The following INPP4B variants were observed in gnomAD, a reference collection of about 807,000 sequenced individuals.
The protein encoded by INPP4B is inositol polyphosphate-4-phosphatase type II B.
A neutral mutation model predicts 122.5 loss-of-function variants in INPP4B; 55 were observed. The ratio of observed to expected loss-of-function variants is 0.45; its 90% CI spans 0.36 to 0.56. INPP4B has a LOEUF of 0.56. Ranked by LOEUF, INPP4B falls within the 20% of genes least tolerant of loss-of-function variation. The probability of loss-of-function intolerance (pLI) is 0.00; values close to 1 mark genes in which losing one functional copy is unlikely to be tolerated. For missense variants in INPP4B, 1,000 were observed against 1,097.7 expected (o/e 0.91, Z 1.26); for synonymous variants, 403 against 388.7 (o/e 1.04, Z -0.43).
rs3043169 is a variant in INPP4B, at chr4:142,026,969, C to CCTCTCTAT, written c.*1812_*1813insATAGAGAG. ...TTCAAGGAGGCCTCTGTCATCCCAG[C>CCTCTCTAT]CTATCTTAAATCTAATAGGGTAATG... On this transcript the variant is annotated 3_prime_UTR_variant, in exon 26 of 26. Transcript: ENST00000262992. 3 of 151,880 alleles carry CCTCTCTAT rather than the reference C, an allele frequency of 2.0e-5. No homozygotes were observed. Among genetic ancestry groups the CCTCTCTAT allele is most frequent in the East Asian group, 1.9e-4 (1 of 5,148 alleles). 9.4% of individuals were successfully genotyped at this position (151,880 alleles called of 1,614,324 possible). A position where few individuals can be genotyped will look rare whatever the true frequency, so the allele number is the denominator to read the frequency against.
intron 2 of INPP4B, among the ~76,000 whole-genome samples, chr4:142,549,446 C>G (rs1242875528): frequency 1.3e-5 from 2 of 152,040 alleles, no homozygotes; most frequent in African/African-American, 4.8e-5. Context: ...AGGAGTCTAA[C>G]CAAATGCTGG....
intron 25 of INPP4B, among the ~76,000 whole-genome samples, chr4:142,068,909 A>G (rs928876469): frequency 6.6e-5 from 10 of 152,194 alleles, no homozygotes; most frequent in African/African-American, 2.2e-4. Context: ...CACTGTCAAC[A>G]TTAGACAGAT....
At chr4:142,416,864 T>G (rs1805881303) in intron 5 of INPP4B, among the ~76,000 whole-genome samples, 1 of 152,146 alleles carries the variant, frequency 6.6e-6, no homozygotes, top group Non-Finnish European at 1.5e-5. Flanking sequence ...AAAACAAGCT[T>G]CATACAGATA....
intron 1 of INPP4B, among the ~76,000 whole-genome samples, chr4:142,832,087 A>G (rs1406250940): frequency 6.6e-6 from 1 of 152,176 alleles, no homozygotes; most frequent in African/African-American, 2.4e-5. Context: ...TTAGCTGCCA[A>G]TTTCTACGGA....
intron 5 of INPP4B, among the ~76,000 whole-genome samples, chr4:142,417,843 C>A (rs1004193580): frequency 6.6e-6 from 1 of 152,132 alleles, no homozygotes. Context: ...ACTTCCCTCA[C>A]GGGCACATGT....
At chr4:142,497,520 T>C (rs1328866791) in intron 2 of INPP4B, among the ~76,000 whole-genome samples, 1 of 152,208 alleles carries the variant, frequency 6.6e-6, no homozygotes, top group Non-Finnish European at 1.5e-5. Flanking sequence ...AGATGTTTCA[T>C]AGTGTTTAAT....
In INPP4B at chr4:142,655,234, A is replaced by G. The variant is rs1486615116; in HGVS notation, c.-191+70605T>C. ...GGTTAGAATGATGCTTATGAAAATC[A>G]TCTCACCTGGTGGTCCAGCTCCAGT... On this transcript the variant is annotated intron_variant, in intron 2 of 25. Coordinates refer to ENST00000262992, the MANE Select transcript of INPP4B (RefSeq NM_001101669.3). Among the ~76,000 whole-genome samples, 4 of 152,344 alleles carry G rather than the reference A, an allele frequency of 2.6e-5. No homozygotes were observed. In the East Asian group the frequency reaches 7.7e-4, roughly 29 times the overall value.
chr4:142,114,398 C>A (rs1480710609), intron 21 of INPP4B, among the ~76,000 whole-genome samples: 1 of 152,000 alleles, frequency 6.6e-6, no homozygotes, highest in East Asian at 1.9e-4. Flanking sequence ...ACAATTCCAC[C>A]AGCAATGTAC....
At chr4:142,194,875 G>A (rs570561505) in intron 14 of INPP4B, among the ~76,000 whole-genome samples, 3 of 152,236 alleles carry the variant, frequency 2.0e-5, no homozygotes, top group Admixed American at 6.5e-5. Flanking sequence ...ATTATTTTCT[G>A]TATAAGAAAC....
In INPP4B at chr4:142,737,795, G is replaced by A. The variant is rs1019017116; in HGVS notation, c.-253-11894C>T. On this transcript the variant is annotated intron_variant, in intron 1 of 25. Coordinates refer to ENST00000262992, the MANE Select transcript of INPP4B (RefSeq NM_001101669.3). ...AAAACAACCCCATCAAAAAGTGAGCGAAGGATATGAACAGACACTTCTCAA... is the reference window on the plus strand; with the variant it reads ...AAAACAACCCCATCAAAAAGTGAGCAAAGGATATGAACAGACACTTCTCAA... Among the ~76,000 whole-genome samples the A allele has an allele frequency of 7.8e-4, 119 of 152,174 alleles. No individual in the cohort carries two copies. The Middle Eastern group carries it at 0.014, about 18-fold the overall frequency.
chr4:142,569,566 G>A (rs1030697960), intron 2 of INPP4B, among the ~76,000 whole-genome samples: 1 of 152,064 alleles, frequency 6.6e-6, no homozygotes, highest in Non-Finnish European at 1.5e-5. Context: ...AGTCTCTAAC[G>A]GGATCTCTAC....
At chr4:142,843,559 C>A (rs1783824318) in intron 1 of INPP4B, among the ~76,000 whole-genome samples, 1 of 151,786 alleles carries the variant, frequency 6.6e-6, no homozygotes, top group Non-Finnish European at 1.5e-5. Context: ...TTGTGAAAGA[C>A]AAAAATTTAT....
chr4:142,504,635 T>C lies in INPP4B; in HGVS notation c.-190-41909A>G, dbSNP rs115445372. 8.3e-3 allele frequency among the ~76,000 whole-genome samples: 1,264 copies of C among 152,222 alleles called. 20 individuals carry two copies. The highest frequency in any genetic ancestry group is 0.027 in the African/African-American group (1,116 of 41,546). On this transcript the variant is annotated intron_variant, in intron 2 of 25. Coordinates refer to ENST00000262992, the MANE Select transcript of INPP4B (RefSeq NM_001101669.3). Reference sequence around the variant, plus strand: ...AAGAATGGCTGAGAGAGTGATGATATACTACACAATAGGAGATTATTCAGC... The same window carrying C: ...AAGAATGGCTGAGAGAGTGATGATACACTACACAATAGGAGATTATTCAGC...
At chr4:142,823,713 A>G (rs1186737618) in intron 1 of INPP4B, among the ~76,000 whole-genome samples, 1 of 152,178 alleles carries the variant, frequency 6.6e-6, no homozygotes, top group Non-Finnish European at 1.5e-5. Flanking sequence ...TGATTGTTCC[A>G]GTTGGAATGA....
At chr4:142,093,918 T>C (rs2152572639) in intron 23 of INPP4B, among the ~76,000 whole-genome samples, 1 of 151,388 alleles carries the variant, frequency 6.6e-6, no homozygotes, top group Non-Finnish European at 1.5e-5. Flanking sequence ...TTAAAAGTAA[T>C]TTTTAAATTA....
At chr4:142,186,735 T>C (rs1037523321) in intron 15 of INPP4B, among the ~76,000 whole-genome samples, 1 of 152,076 alleles carries the variant, frequency 6.6e-6, no homozygotes, top group African/African-American at 2.4e-5. Context: ...ACAATGAAAA[T>C]AAAAAAGGAG....
At chr4:142,455,323 C>T (rs1815154948) in intron 3 of INPP4B, among the ~76,000 whole-genome samples, 1 of 151,968 alleles carries the variant, frequency 6.6e-6, no homozygotes, top group Admixed American at 6.6e-5. Flanking sequence ...GATACTCTTC[C>T]TAGCTTACTG....
intron 2 of INPP4B, among the ~76,000 whole-genome samples, chr4:142,610,603 T>A (rs1742272559): frequency 2.0e-5 from 3 of 152,160 alleles, no homozygotes; most frequent in Admixed American, 1.3e-4. Context: ...GTTCCCTATA[T>A]CTATGTTTAT....
intron 1 of INPP4B, among the ~76,000 whole-genome samples, chr4:142,753,406 C>T (rs563562227): frequency 6.6e-5 from 10 of 152,108 alleles, no homozygotes; most frequent in African/African-American, 2.4e-4. Flanking sequence ...ACTCTTAAAC[C>T]TACTTTATAG....
Sources: gnomAD v4.1 joint callset for allele counts (sites outside exome capture counted in the v4.1 genomes callset) on GRCh38, gnomAD v4.1.1 for gene constraint, MANE v1.5 for transcripts, NCBI Gene and HGNC (gene_info 2026-07-23, HGNC 2026-07-21) for gene names.